The following ZNF554 variants were observed in gnomAD, a reference collection of about 807,000 sequenced individuals.
The protein encoded by ZNF554 is zinc finger protein 554.
In ZNF554, 15 loss-of-function variants were observed where a neutral mutation model predicts 21.2. The observed-to-expected ratio is 0.71, with a 90% CI of 0.47 to 1.09. The LOEUF (loss-of-function observed/expected upper bound fraction) is 1.09. Among genes scored for constraint, ZNF554 ranks in the 50% least tolerant of loss-of-function variants. The probability of loss-of-function intolerance (pLI) is 0.00; values close to 1 mark genes in which losing one functional copy is unlikely to be tolerated. For missense variants in ZNF554, 691 were observed against 662.7 expected (o/e 1.04, Z -0.47); for synonymous variants, 258 against 251.4 (o/e 1.03, Z -0.25).
chr19:2,829,345 C>T (rs570211405), intron 3 of ZNF554, among the ~76,000 whole-genome samples: 14 of 142,050 alleles, frequency 9.9e-5, no homozygotes, highest in African/African-American at 3.5e-4. Flanking sequence ...GGCGACAGAG[C>T]GAGACTCTGT....
At position 2,835,260 on chromosome 19, in the gene ZNF554, CAGG is replaced by C. The variant is rs1174055590; in HGVS notation, c.*411_*413del. The C allele has an allele frequency of 1.8e-5, 3 of 167,620 alleles. No individual in the cohort carries two copies. The East Asian group carries it at 4.8e-4, about 27-fold the overall frequency. The allele number at this position is 167,620 out of a possible 1,614,324, so 10.4% of individuals were successfully genotyped here. A position where few individuals can be genotyped will look rare whatever the true frequency, so the allele number is the denominator to read the frequency against. ...GGCCGAGGCGGGTGGATCATGAGGT[CAGG>C]AGATCGAGACCATCCTGGCTAACAC... is the stretch of plus-strand genomic sequence containing the variant. On this transcript the variant is annotated 3_prime_UTR_variant, in exon 5 of 5. Coordinates refer to ENST00000317243, the MANE Select transcript of ZNF554 (RefSeq NM_001102651.2).
chr19:2,834,177 C>A lies in ZNF554; in HGVS notation c.942C>A (p.His314Gln), dbSNP rs1451685935. Reference protein sequence around the residue: ...SLNHGMALTIHNKINTAEKPF... With the variant: ...SLNHGMALTIQNKINTAEKPF... ...ACCACGGTATGGCCCTGACTATCCACAACAAAATCAACACGGCAGAGAAAC... is the reference window on the plus strand; with the variant it reads ...ACCACGGTATGGCCCTGACTATCCAAAACAAAATCAACACGGCAGAGAAAC... Residue 314 changes from histidine (H) to glutamine (Q), a missense_variant, in exon 5 of 5, where the codon CAC becomes CAA. Physicochemically the swap from His to Gln is conservative, Grantham distance 24 (BLOSUM62 0). Coordinates refer to ENST00000317243, the MANE Select transcript of ZNF554 (RefSeq NM_001102651.2). 6.2e-7 allele frequency: 1 copy of A among 1,614,032 alleles called. No homozygotes were observed. Among genetic ancestry groups the A allele is most frequent in the African/African-American group, 1.3e-5 (1 of 75,036 alleles).
In ZNF554 at chr19:2,832,467, A is replaced by G; in HGVS notation, c.418A>G (p.Lys140Glu). The change falls in exon 4 of 5, where the codon AAA becomes GAA. Residue 140 changes from lysine (K) to glutamate (E), a missense_variant. Lys to Glu is a moderately conservative substitution (Grantham distance 56). Transcript: ENST00000317243. ...EQREALWIEEKGTPQASCSDW... is the reference protein window; with the variant it reads ...EQREALWIEEEGTPQASCSDW... Reference sequence around the variant, plus strand: ...AAGAGAAGCCCTGTGGATAGAGGAAAAAGGAACTCCTCAAGCCTCCTGTTC... The same window carrying G: ...AAGAGAAGCCCTGTGGATAGAGGAAGAAGGAACTCCTCAAGCCTCCTGTTC... 1 of 1,610,304 alleles carries G rather than the reference A, an allele frequency of 6.2e-7. No individual in the cohort carries two copies. The highest frequency in any genetic ancestry group is 8.5e-7 in the Non-Finnish European group (1 of 1,178,750).
chr19:2,829,076 A>G (rs921502326), intron 3 of ZNF554, among the ~76,000 whole-genome samples: 2 of 152,160 alleles, frequency 1.3e-5, no homozygotes, highest in Non-Finnish European at 2.9e-5. Flanking sequence ...TAAAAAATGT[A>G]GGCTGGGCGT....
rs1487179047 is a variant in ZNF554, at chr19:2,833,707, G to A, written c.472G>A (p.Asp158Asn). ...TTGGATGACTGTACTAAGAAACCAA[G>A]ACTCAACTTACAAGAAGGTGGCTTT... ...SDWMTVLRNQ[D>N]STYKKVALQE... Residue 158 changes from aspartate to asparagine, a missense_variant, in exon 5 of 5, where the codon GAC becomes AAC. Transcript: ENST00000317243. 6.5e-7 allele frequency: 1 copy of A among 1,532,928 alleles called. No homozygotes were observed. Among genetic ancestry groups the A allele is most frequent in the African/African-American group, 1.4e-5 (1 of 71,980 alleles). 95.0% of individuals were successfully genotyped at this position (1,532,928 alleles called of 1,614,324 possible).
At chr19:2,823,458 G>A (rs1568331927) in intron 2 of ZNF554, among the ~76,000 whole-genome samples, 1 of 152,168 alleles carries the variant, frequency 6.6e-6, no homozygotes. Context: ...AAGAAGAGTT[G>A]TATTTACTGT....
Position 2,833,710 on chromosome 19 carries a change from T to C in ZNF554, c.475T>C (p.Ser159Pro), listed in dbSNP as rs774636580. 1.0e-5 allele frequency: 16 copies of C among 1,534,212 alleles called. No homozygotes were observed. Among genetic ancestry groups the C allele is most frequent in the Admixed American group, 2.2e-5 (1 of 45,598 alleles). The stretch of plus-strand genomic sequence containing the variant: ...GATGACTGTACTAAGAAACCAAGAC[T>C]CAACTTACAAGAAGGTGGCTTTGCA... ...DWMTVLRNQD[S>P]TYKKVALQEE... The change falls in exon 5 of 5, where the codon TCA (serine) becomes CCA (proline). Residue 159 changes from serine to proline, a missense_variant. Ser to Pro is a moderately conservative substitution (Grantham distance 74). Transcript: ENST00000317243.
In ZNF554 at chr19:2,834,378, G is replaced by A. The variant is rs2087468033; in HGVS notation, c.1143G>A (p.Gly381=). The change falls in exon 5 of 5, where the codon GGG becomes GGA. Residue 381 remains glycine (G), a synonymous_variant. Coordinates refer to ENST00000317243, the MANE Select transcript of ZNF554 (RefSeq NM_001102651.2). ...CTCATACTGGAGAGAAGCCCTACGGGTGCGGTGAGTGCGGGAAAGCCTTCA... is the reference window on the plus strand; with the variant it reads ...CTCATACTGGAGAGAAGCCCTACGGATGCGGTGAGTGCGGGAAAGCCTTCA... The part of the protein sequence containing the change: ...LRTHTGEKPY[G]CGECGKAFNR... The A allele has an allele frequency of 6.2e-7, 1 of 1,613,834 alleles. No individual in the cohort carries two copies. Among genetic ancestry groups the A allele is most frequent in the Non-Finnish European group, 8.5e-7 (1 of 1,179,968 alleles).
chr19:2,833,620 C>A, intron 4 of ZNF554, 61 bp from the exon 5 acceptor site: 1 of 1,427,900 alleles, frequency 7.0e-7, no homozygotes, highest in Non-Finnish European at 9.4e-7. Flanking sequence ...TTCTGTCCCG[C>A]TGGTTTTCAA....
chr19:2,823,204 G>T, intron 2 of ZNF554, 92 bp downstream of exon 2: 1 of 1,307,432 alleles, frequency 7.6e-7, no homozygotes, highest in Non-Finnish European at 1.1e-6. Context: ...GAGACCCCTT[G>T]CTATGTGAAA....
chr19:2,824,285 C>G (rs940250106), intron 2 of ZNF554, among the ~76,000 whole-genome samples: 1 of 152,198 alleles, frequency 6.6e-6, no homozygotes, highest in Non-Finnish European at 1.5e-5. Flanking sequence ...AGCTGCGGGT[C>G]TGGCAGCTTC....
chr19:2,834,271 C>A lies in ZNF554; in HGVS notation c.1036C>A (p.His346Asn). 6.2e-7 allele frequency: 1 copy of A among 1,614,094 alleles called. No individual in the cohort carries two copies. The highest frequency in any genetic ancestry group is 8.5e-7 in the Non-Finnish European group (1 of 1,180,044). Reference sequence around the variant, plus strand: ...TTCTTTGAGCGAACATCAAAGAATTCACACGGGGGAGAAACCCTACGAGTG... The same window carrying A: ...TTCTTTGAGCGAACATCAAAGAATTAACACGGGGGAGAAACCCTACGAGTG... ...RHSLSEHQRI[H>N]TGEKPYECQE... The change falls in exon 5 of 5, where the codon CAC (histidine) becomes AAC (asparagine). Residue 346 changes from histidine (H) to asparagine (N), a missense_variant. By Grantham distance (68) the His-to-Asn change is moderately conservative. Transcript: ENST00000317243.
rs72982740 is a variant in ZNF554 at position 2,836,341 on chromosome 19, G to A, written c.*1489G>A. ...CCTGCTGGGATTATGGGTGCGAGCC[G>A]CCGTGCTGGGATTACAGGTGTGAAC... is the stretch of plus-strand genomic sequence containing the variant. On this transcript the variant is annotated 3_prime_UTR_variant, in exon 5 of 5. Transcript: ENST00000317243. 0.24 allele frequency among the ~76,000 whole-genome samples: 36,098 copies of A among 151,524 alleles called. 5,918 individuals carry two copies. Among genetic ancestry groups the A allele is most frequent in the East Asian group, 0.67 (3,425 of 5,144 alleles).
intron 3 of ZNF554, among the ~76,000 whole-genome samples, chr19:2,829,711 A>G (rs2087387419): frequency 6.6e-6 from 1 of 152,200 alleles, no homozygotes; most frequent in South Asian, 2.1e-4. Flanking sequence ...ATATAAACAT[A>G]AAATGTGCCT....
In ZNF554 at chr19:2,834,668, C is replaced by G; in HGVS notation, c.1433C>G (p.Ser478Cys). 1 of 1,614,014 alleles carries G rather than the reference C, an allele frequency of 6.2e-7. No individual in the cohort carries two copies. The highest frequency in any genetic ancestry group is 8.5e-7 in the Non-Finnish European group (1 of 1,179,984). Residue 478 changes from serine to cysteine, a missense_variant, in exon 5 of 5, where the codon TCC (serine) becomes TGC (cysteine). Ser to Cys is a moderately radical substitution (Grantham distance 112, BLOSUM62 -1). Coordinates refer to ENST00000317243, the MANE Select transcript of ZNF554 (RefSeq NM_001102651.2). The stretch of plus-strand genomic sequence containing the variant: ...GGGAGAGCCTTCAGCCAGAGGTCTT[C>G]CCTTGTGAGGCACGAGAGAACTCAC... Reference protein sequence around the residue: ...QCGRAFSQRSSLVRHERTHTG... With the variant: ...QCGRAFSQRSCLVRHERTHTG...
chr19:2,829,066 T>C (rs1336010491), intron 3 of ZNF554, among the ~76,000 whole-genome samples: 1 of 151,794 alleles, frequency 6.6e-6, no homozygotes, highest in East Asian at 1.9e-4. Flanking sequence ...TTTACTGTGA[T>C]AAAAAATGTA....
rs772912917 is a variant in ZNF554 at position 2,827,709 on chromosome 19, G to C, written c.219G>C (p.Val73=). ...EPAQKNLYRE[V]MLENYRNVVS... ...CTCAGAAGAACCTGTACAGAGAGGTGATGCTGGAGAACTACAGGAACGTGG... is the reference window on the plus strand; with the variant it reads ...CTCAGAAGAACCTGTACAGAGAGGTCATGCTGGAGAACTACAGGAACGTGG... The change falls in exon 3 of 5, where the codon GTG becomes GTC. Residue 73 remains valine, a synonymous_variant. Transcript: ENST00000317243. 6.2e-7 allele frequency: 1 copy of C among 1,614,002 alleles called. No homozygotes were observed. Among genetic ancestry groups the C allele is most frequent in the Admixed American group, 1.7e-5 (1 of 59,978 alleles).
intron 2 of ZNF554, chr19:2,826,473 A>G (rs1305484046): frequency 6.6e-6 from 1 of 152,022 alleles, no homozygotes; most frequent in Non-Finnish European, 1.5e-5. Flanking sequence ...AAGTGCTAGG[A>G]TTACAGGCAT....
At chr19:2,826,322 GCCT>G (rs1166358985) in intron 2 of ZNF554, 1 of 147,602 alleles carries the variant, frequency 6.8e-6, no homozygotes. Flanking sequence ...TCCTGCCTCA[GCCT>G]CCTGAGTAGC....
Sources: allele counts gnomAD v4.1 joint callset (sites outside exome capture counted in the v4.1 genomes callset), GRCh38; gene constraint gnomAD v4.1.1; transcripts MANE v1.5; gene names NCBI Gene and HGNC (gene_info 2026-07-23, HGNC 2026-07-21).